GPHN: variants seen among roughly 807,000 people sequenced by gnomAD.
GPHN encodes gephyrin.
A neutral mutation model predicts 95.5 loss-of-function variants in GPHN; 17 were observed. That is an observed-to-expected ratio of 0.18 (90% CI 0.12 to 0.27). The LOEUF is 0.27. GPHN is among the 10% of genes least tolerant of loss of function. The probability of loss-of-function intolerance (pLI) is 1.00; values close to 1 mark genes in which losing one functional copy is unlikely to be tolerated. For missense variants in GPHN, 660 were observed against 978.1 expected, an observed-to-expected ratio of 0.67 and a Z score of 4.34; for synonymous variants, 320 against 322.5, an observed-to-expected ratio of 0.99 and a Z score of 0.08.
the GPHN span, among the ~76,000 whole-genome samples, chr14:67,214,612 T>A: frequency 6.6e-6 from 1 of 152,178 alleles, no homozygotes; most frequent in Non-Finnish European, 1.5e-5. Context: ...TGCCTCCAGC[T>A]TTGTTCTTTT....
intron 8 of GPHN, among the ~76,000 whole-genome samples, chr14:66,933,890 G>A (rs1402025423): frequency 1.3e-5 from 2 of 152,040 alleles, no homozygotes; most frequent in African/African-American, 4.8e-5. Context: ...TGTAATACCA[G>A]CACTTTGGGA....
the GPHN span, among the ~76,000 whole-genome samples, chr14:67,393,785 G>C: frequency 6.6e-6 from 1 of 152,020 alleles, no homozygotes; most frequent in Admixed American, 6.6e-5. Flanking sequence ...TGCATACCAC[G>C]GTGTTCCCAT....
intron 1 of GPHN, among the ~76,000 whole-genome samples, chr14:66,515,455 A>G (rs947791649): frequency 6.6e-6 from 1 of 152,142 alleles, no homozygotes; most frequent in Admixed American, 6.6e-5. Flanking sequence ...TGTGTTTGAG[A>G]TGTTTTATAG....
At chr14:67,216,062 C>T in the GPHN span, among the ~76,000 whole-genome samples, 15 of 152,258 alleles carry the variant, frequency 9.9e-5, no homozygotes, top group Admixed American at 6.5e-5. Context: ...GTTCCACACA[C>T]GCCTCCCACC....
intron 4 of GPHN, among the ~76,000 whole-genome samples, chr14:66,838,561 G>C (rs1011547517): frequency 8.6e-5 from 13 of 152,040 alleles, no homozygotes; most frequent in African/African-American, 3.1e-4. Context: ...AAAGAGGCTA[G>C]CATACCAGAA....
At chr14:67,170,576 A>G (rs901310015) in intron 21 of GPHN, among the ~76,000 whole-genome samples, 6 of 152,240 alleles carry the variant, frequency 3.9e-5, no homozygotes, top group Admixed American at 2.6e-4. Context: ...GCAGCCATCT[A>G]TTCTGACAAC....
intron 1 of GPHN, among the ~76,000 whole-genome samples, chr14:66,540,826 T>G (rs2059327553): frequency 1.3e-5 from 2 of 152,210 alleles, no homozygotes; most frequent in Non-Finnish European, 2.9e-5. Flanking sequence ...CAGGCTGGAG[T>G]GCAGTGGTGT....
the GPHN span, chr14:67,392,501 G>T: frequency 7.6e-7 from 1 of 1,314,888 alleles, no homozygotes; most frequent in Non-Finnish European, 1.1e-6. Flanking sequence ...TGTCAGAGGG[G>T]AAAGGAAATT....
chr14:66,739,218 C>CTTT (rs540067795), intron 2 of GPHN, among the ~76,000 whole-genome samples: 23 of 134,624 alleles, frequency 1.7e-4, no homozygotes, highest in African/African-American at 5.1e-4. Flanking sequence ...TTTCTTACAG[C>CTTT]TTTTTTTTTT....
At chr14:67,572,009 C>A in the GPHN span, 1 of 1,483,294 alleles carries the variant, frequency 6.7e-7, no homozygotes. Context: ...CTCGTGACCC[C>A]CCAGCAGCTC....
At chr14:66,672,955 T>C (rs531520929) in intron 1 of GPHN, among the ~76,000 whole-genome samples, 1 of 152,328 alleles carries the variant, frequency 6.6e-6, no homozygotes, top group African/African-American at 2.4e-5. Context: ...TTTTAAACTT[T>C]TTTATTTGTT....
chr14:66,942,888 A>G (rs1248518882), intron 8 of GPHN, among the ~76,000 whole-genome samples: 2 of 152,184 alleles, frequency 1.3e-5, no homozygotes, highest in African/African-American at 2.4e-5. Flanking sequence ...TAAAACAACT[A>G]TTGTTATGAA....
intron 2 of GPHN, among the ~76,000 whole-genome samples, chr14:66,707,632 A>G (rs1170960949): frequency 1.3e-5 from 2 of 152,186 alleles, no homozygotes; most frequent in Non-Finnish European, 2.9e-5. Flanking sequence ...ACATGGACAC[A>G]CGGAGGAGAA....
At chr14:67,727,828 A>G in the GPHN span, 121,474 of 154,042 alleles carry the variant, frequency 0.79, 50,502 homozygotes, top group East Asian at 0.99. Context: ...AGGTGAGGGC[A>G]TCAGAACCGG....
the GPHN span, chr14:67,359,588 C>T: frequency 6.4e-7 from 1 of 1,558,798 alleles, no homozygotes; most frequent in Non-Finnish European, 8.8e-7. Context: ...CACTGTGGCC[C>T]AGGGTCTGAA....
the GPHN span, chr14:67,650,627 T>C: frequency 1.6e-6 from 2 of 1,224,586 alleles, no homozygotes; most frequent in Admixed American, 3.5e-5. Flanking sequence ...GTTTTTACTT[T>C]GGCTTGTTCT....
At chr14:66,785,193 C>G (rs749557876) in intron 3 of GPHN, among the ~76,000 whole-genome samples, 2 of 152,042 alleles carry the variant, frequency 1.3e-5, no homozygotes, top group Non-Finnish European at 2.9e-5. Flanking sequence ...CATGGTGAAA[C>G]CTGTCTCTAC....
chr14:66,609,910 A>G (rs2062709300), intron 1 of GPHN, among the ~76,000 whole-genome samples: 1 of 152,154 alleles, frequency 6.6e-6, no homozygotes, highest in East Asian at 1.9e-4. Flanking sequence ...CTTGTTATCT[A>G]GATTCTGAAT....
intron 9 of GPHN, among the ~76,000 whole-genome samples, chr14:66,986,404 A>G (rs764456581): frequency 4.6e-5 from 7 of 152,148 alleles, no homozygotes; most frequent in Non-Finnish European, 1.0e-4. Context: ...TTGTGTATAT[A>G]ACCTGCTAAT....
Sources: gnomAD v4.1 joint callset for allele counts (sites outside exome capture counted in the v4.1 genomes callset) on GRCh38, gnomAD v4.1.1 for gene constraint, MANE v1.5 for transcripts, NCBI Gene and HGNC (gene_info 2026-07-23, HGNC 2026-07-21) for gene names.